FHIT: variants seen among roughly 807,000 people sequenced by gnomAD.
The protein encoded by FHIT is fragile histidine triad diadenosine triphosphatase.
A neutral mutation model predicts 17.9 loss-of-function variants in FHIT; 19 were observed. The observed-to-expected ratio is 1.06, with a 90% confidence interval of 0.74 to 1.56. FHIT has a LOEUF of 1.56. FHIT is among the 40% of genes most tolerant of loss of function. FHIT has a pLI of 0.00. For missense variants in FHIT, 248 were observed against 189.2 expected, an observed-to-expected ratio of 1.31 and a Z score of -1.82; for synonymous variants, 81 against 69.7, an observed-to-expected ratio of 1.16 and a Z score of -0.81.
intron 8 of FHIT, among the ~76,000 whole-genome samples, chr3:59,785,054 G>A (rs111473889): frequency 4.3e-4 from 65 of 152,154 alleles, no homozygotes; most frequent in African/African-American, 1.1e-3. Flanking sequence ...AAGAGAGAGA[G>A]AGGGGAGTTG....
chr3:60,366,209 T>A (rs960971747), intron 5 of FHIT, among the ~76,000 whole-genome samples: 1 of 152,176 alleles, frequency 6.6e-6, no homozygotes, highest in Non-Finnish European at 1.5e-5. Flanking sequence ...GGAGTCTCAC[T>A]CTGTCACCCA....
chr3:60,905,812 G>A (rs1176766022), intron 3 of FHIT, among the ~76,000 whole-genome samples: 2 of 152,074 alleles, frequency 1.3e-5, no homozygotes, highest in African/African-American at 2.4e-5. Context: ...GGATAAACCA[G>A]AAACTAATGA....
chr3:60,881,852 A>C (rs1704997934), intron 3 of FHIT, among the ~76,000 whole-genome samples: 1 of 152,126 alleles, frequency 6.6e-6, no homozygotes, highest in Non-Finnish European at 1.5e-5. Flanking sequence ...CAAAAATGAA[A>C]ACAAGAACAA....
chr3:60,282,122 T>C (rs1212374598), intron 5 of FHIT, among the ~76,000 whole-genome samples: 2 of 152,178 alleles, frequency 1.3e-5, no homozygotes, highest in Non-Finnish European at 2.9e-5. Context: ...AATCTAAACA[T>C]AGTTTCACCA....
At position 59,814,242 on chromosome 3, in the gene FHIT, C is replaced by T. The variant is rs568160442; in HGVS notation, c.349-61921G>A. Among the ~76,000 whole-genome samples the T allele has an allele frequency of 5.3e-5, 8 of 152,272 alleles. No individual in the cohort carries two copies. In the East Asian group the frequency reaches 5.8e-4, roughly 11 times the overall value. On this transcript the variant is annotated intron_variant, in intron 8 of 9. Coordinates refer to ENST00000492590, the MANE Select transcript of FHIT (RefSeq NM_002012.4). ...ATCAGACTTGTTGGAAAATGCTCCGCGTCTGTGGTGTATTTCAGACAAGTT... is the reference window on the plus strand; with the variant it reads ...ATCAGACTTGTTGGAAAATGCTCCGTGTCTGTGGTGTATTTCAGACAAGTT...
chr3:60,741,616 G>C (rs1553713900), intron 4 of FHIT, among the ~76,000 whole-genome samples: 1 of 152,148 alleles, frequency 6.6e-6, no homozygotes, highest in Non-Finnish European at 1.5e-5. Context: ...TTCCCCCCAG[G>C]CACTTCAAGT....
At chr3:60,516,187 T>C (rs2035147237) in intron 5 of FHIT, among the ~76,000 whole-genome samples, 1 of 152,210 alleles carries the variant, frequency 6.6e-6, no homozygotes, top group African/African-American at 2.4e-5. Context: ...TTTGCTGATA[T>C]TTAATTCCAA....
chr3:59,986,092 C>A (rs559230989), intron 7 of FHIT, among the ~76,000 whole-genome samples: 2 of 151,984 alleles, frequency 1.3e-5, no homozygotes, highest in Non-Finnish European at 2.9e-5. Flanking sequence ...CATATTATAA[C>A]GGCAAAAAGA....
chr3:60,702,520 A>G (rs1553702438), intron 4 of FHIT, among the ~76,000 whole-genome samples: 1 of 151,934 alleles, frequency 6.6e-6, no homozygotes, highest in African/African-American at 2.4e-5. Flanking sequence ...TTGTTTCCAA[A>G]GTAATTTTTT....
intron 5 of FHIT, among the ~76,000 whole-genome samples, chr3:60,500,202 T>C (rs1399187499): frequency 2.6e-5 from 4 of 152,196 alleles, no homozygotes; most frequent in Non-Finnish European, 5.9e-5. Flanking sequence ...TGTTTGCCCG[T>C]TTACCAATTG....
In FHIT at chr3:59,989,581, C is replaced by T. The variant is rs143562992; in HGVS notation, c.279+21790G>A. 1.6e-3 allele frequency among the ~76,000 whole-genome samples: 237 copies of T among 152,118 alleles called. 1 individual carries two copies. Among genetic ancestry groups the T allele is most frequent in the African/African-American group, 5.4e-3 (226 of 41,532 alleles). On this transcript the variant is annotated intron_variant, in intron 7 of 9. Coordinates refer to ENST00000492590, the MANE Select transcript of FHIT (RefSeq NM_002012.4). ...GAGATATAAAACACAGTATAAAGAA[C>T]GTTCTATTTTGCAAAACAATCACAT...
At chr3:60,477,508 T>C (rs528624633) in intron 5 of FHIT, among the ~76,000 whole-genome samples, 1 of 152,318 alleles carries the variant, frequency 6.6e-6, no homozygotes, top group South Asian at 2.1e-4. Flanking sequence ...GGCATCACAC[T>C]AACCACACTA....
intron 5 of FHIT, among the ~76,000 whole-genome samples, chr3:60,366,443 T>A (rs150385412): frequency 6.5e-4 from 99 of 152,296 alleles, no homozygotes; most frequent in African/African-American, 2.3e-3. Flanking sequence ...CCTTTTCACA[T>A]GCCATCTCAT....
At chr3:61,190,734 T>C (rs756435921) in intron 2 of FHIT, among the ~76,000 whole-genome samples, 4 of 152,128 alleles carry the variant, frequency 2.6e-5, no homozygotes, top group Non-Finnish European at 4.4e-5. Context: ...ATATACACCA[T>C]GGAATACTAT....
At chr3:61,118,473 T>G (rs1047195016) in intron 2 of FHIT, among the ~76,000 whole-genome samples, 3 of 152,142 alleles carry the variant, frequency 2.0e-5, no homozygotes, top group Admixed American at 1.3e-4. Context: ...CAAGTTACCC[T>G]CTATCCAGAA....
chr3:61,087,702 C>T (rs534465016), intron 2 of FHIT, among the ~76,000 whole-genome samples: 1 of 152,072 alleles, frequency 6.6e-6, no homozygotes, highest in African/African-American at 2.4e-5. Context: ...GATGTACACA[C>T]ACACATACGC....
chr3:59,843,243 G>A (rs79677120), intron 8 of FHIT, among the ~76,000 whole-genome samples: 2,695 of 152,124 alleles, frequency 0.018, 84 homozygotes, highest in African/African-American at 0.061. Flanking sequence ...GTTTACTTTT[G>A]GACTCCTCTA....
chr3:60,562,040 A>G lies in FHIT; in HGVS notation c.-17-25061T>C, dbSNP rs78352270. Among the ~76,000 whole-genome samples the G allele has an allele frequency of 9.5e-4, 144 of 152,288 alleles. 1 individual carries two copies. In the East Asian group the frequency reaches 0.021, roughly 22 times the overall value. On this transcript the variant is annotated intron_variant, in intron 4 of 9. Coordinates refer to ENST00000492590, the MANE Select transcript of FHIT (RefSeq NM_002012.4). ...GATCCACTAGTTATTACCCGAAAAC[A>G]TGCTTTCCCTATGTTTGAGTTCTCA...
intron 4 of FHIT, among the ~76,000 whole-genome samples, chr3:60,618,421 A>G (rs953568550): frequency 3.9e-5 from 6 of 151,914 alleles, no homozygotes; most frequent in Admixed American, 2.0e-4. Flanking sequence ...ACTCTTCCTT[A>G]TGCTCTCCCT....
Sources: gnomAD v4.1 joint callset for allele counts (sites outside exome capture counted in the v4.1 genomes callset) on GRCh38, gnomAD v4.1.1 for gene constraint, MANE v1.5 for transcripts, NCBI Gene and HGNC (gene_info 2026-07-23, HGNC 2026-07-21) for gene names.